LRCH3: variants seen among roughly 807,000 people sequenced by gnomAD.
The protein encoded by LRCH3 is leucine rich repeats and calponin homology domain containing 3.
A neutral mutation model predicts 104.5 loss-of-function variants in LRCH3; 68 were observed. The observed-to-expected ratio is 0.65, with a 90% CI of 0.54 to 0.80. The LOEUF is 0.80. Ranked by LOEUF, LRCH3 falls within the 30% of genes least tolerant of loss-of-function variation. The probability of loss-of-function intolerance (pLI) is 0.00; values close to 1 mark genes in which losing one functional copy is unlikely to be tolerated. For missense variants in LRCH3, 951 were observed against 953.9 expected (o/e 1.00, Z 0.04); for synonymous variants, 344 against 361.3 (o/e 0.95, Z 0.54).
At chr3:197,868,514 G>A (rs1022576254) in intron 17 of LRCH3, among the ~76,000 whole-genome samples, 1 of 152,164 alleles carries the variant, frequency 6.6e-6, no homozygotes, top group African/African-American at 2.4e-5. Flanking sequence ...TTACTTTTGA[G>A]AAATATGTAC....
intron 10 of LRCH3, among the ~76,000 whole-genome samples, chr3:197,845,417 A>G (rs998758171): frequency 1.3e-5 from 2 of 151,804 alleles, no homozygotes; most frequent in Admixed American, 1.3e-4. Flanking sequence ...AAAAAAAAAA[A>G]AAAAAGAAAG....
At position 197,854,628 on chromosome 3, in the gene LRCH3, C is replaced by T. The variant is rs1236843521; in HGVS notation, c.1644+183C>T. On this transcript the variant is annotated intron_variant, in intron 14 of 20. Coordinates refer to ENST00000425562, the MANE Select transcript of LRCH3 (RefSeq NM_001365715.1). The surrounding 1 kb of genome is among the most constrained non-coding windows in gnomAD (Gnocchi z 4.5). ...CCCAGTGTTTCAAAGTTCTGCAGCT[C>T]ATATCTTTGTCAGTGCCACCGAAAG... 6.6e-6 allele frequency among the ~76,000 whole-genome samples: 1 copy of T among 152,160 alleles called. No individual in the cohort carries two copies. The highest frequency in any genetic ancestry group is 1.5e-5 in the Non-Finnish European group (1 of 68,030).
chr3:197,821,446 C>A (rs569047380), intron 4 of LRCH3, among the ~76,000 whole-genome samples: 1 of 152,224 alleles, frequency 6.6e-6, no homozygotes, highest in South Asian at 2.1e-4. Flanking sequence ...TATATTTCTT[C>A]CTATATGTTT....
intron 14 of LRCH3, among the ~76,000 whole-genome samples, chr3:197,857,500 A>G (rs976396588): frequency 6.6e-6 from 1 of 151,258 alleles, no homozygotes; most frequent in Admixed American, 6.6e-5. Context: ...AGTATCAGTT[A>G]CACTGAGATT....
At position 197,883,036 on chromosome 3, in the gene LRCH3, C is replaced by T; in HGVS notation, c.2209-505C>T. 1 of 985,400 alleles carries T rather than the reference C, an allele frequency of 1.0e-6. No individual in the cohort carries two copies. The highest frequency in any genetic ancestry group is 1.2e-6 in the Non-Finnish European group (1 of 829,934). 61.0% of individuals were successfully genotyped at this position (985,400 alleles called of 1,614,324 possible). On this transcript the variant is annotated intron_variant, in intron 20 of 20. Coordinates refer to ENST00000425562, the MANE Select transcript of LRCH3 (RefSeq NM_001365715.1). This position sits in a 1 kb window ranked among gnomAD's most constrained non-coding sequence, Gnocchi z 4.2. ...GTCTGGAAACCCTGGTTTTCACAGTCAGGATTATAATGCAGATAGCGTAGA... is the reference window on the plus strand; with the variant it reads ...GTCTGGAAACCCTGGTTTTCACAGTTAGGATTATAATGCAGATAGCGTAGA...
chr3:197,826,756 A>T, intron 4 of LRCH3, 122 bp from the exon 5 acceptor site: 1 of 1,215,242 alleles, frequency 8.2e-7, no homozygotes, highest in Non-Finnish European at 1.2e-6. Flanking sequence ...GCTACCAGTT[A>T]ATCACTAAAA....
intron 5 of LRCH3, among the ~76,000 whole-genome samples, chr3:197,828,730 G>A (rs1371770482): frequency 1.1e-5 from 1 of 91,150 alleles, no homozygotes; most frequent in Non-Finnish European, 2.1e-5. Context: ...TTTTTGAGAT[G>A]AAGTTTTGCT....
intron 8 of LRCH3, among the ~76,000 whole-genome samples, chr3:197,833,251 G>A (rs1407604052): frequency 6.6e-6 from 1 of 151,230 alleles, no homozygotes; most frequent in East Asian, 2.0e-4. Context: ...TGGGCGTGGT[G>A]GCTCACGCCT....
Position 197,886,947 on chromosome 3 carries a change from A to C in LRCH3, c.*3281A>C, listed in dbSNP as rs190812160. The C allele has an allele frequency of 1.3e-5, 2 of 152,324 alleles. No homozygotes were observed. The highest frequency in any genetic ancestry group is 1.3e-4 in the Admixed American group (2 of 15,294). The allele number at this position is 152,324 out of a possible 1,614,324, so 9.4% of individuals were successfully genotyped here. ...TAAATGGAAATTTCAACTTATTTCA[A>C]ATTTTGCACATATTATGAAACCTTA... On this transcript the variant is annotated 3_prime_UTR_variant, in exon 21 of 21. Transcript: ENST00000425562.
At chr3:197,838,138 A>G (rs138451342) in intron 9 of LRCH3, among the ~76,000 whole-genome samples, 1 of 151,988 alleles carries the variant, frequency 6.6e-6, no homozygotes, top group Admixed American at 6.5e-5. Context: ...AAAGTGGTGT[A>G]GCTTGGCCTG....
chr3:197,881,372 CT>C, intron 20 of LRCH3: 2 of 987,534 alleles, frequency 2.0e-6, no homozygotes, highest in Non-Finnish European at 2.4e-6. Flanking sequence ...ATTCCCTAGA[CT>C]GCTCTTCTGA....
At chr3:197,828,187 A>G (rs371033602) in intron 5 of LRCH3, among the ~76,000 whole-genome samples, 63 of 152,190 alleles carry the variant, frequency 4.1e-4, no homozygotes, top group African/African-American at 1.4e-3. Flanking sequence ...TCCTAATTCT[A>G]AAGTCACAAA....
At chr3:197,817,708 T>G in intron 3 of LRCH3, among the ~76,000 whole-genome samples, 1 of 152,102 alleles carries the variant, frequency 6.6e-6, no homozygotes. Flanking sequence ...TTTGATTAGC[T>G]CCTGTAGGGG....
Position 197,888,017 on chromosome 3 carries a change from C to T in LRCH3, c.*4351C>T, listed in dbSNP as rs1394514270. The T allele has an allele frequency of 6.6e-6, 1 of 152,266 alleles. No individual in the cohort carries two copies. The highest frequency in any genetic ancestry group is 2.4e-5 in the African/African-American group (1 of 41,466). 9.4% of individuals were successfully genotyped at this position (152,266 alleles called of 1,614,324 possible). A position where few individuals can be genotyped will look rare whatever the true frequency, so the allele number is the denominator to read the frequency against. ...TAGAACACAGAGCATAGTAGTAGAT[C>T]ACTTTTCTGAAGAGCTTTTTAAAAT... On this transcript the variant is annotated 3_prime_UTR_variant, in exon 21 of 21. Transcript: ENST00000425562.
chr3:197,850,712 A>G (rs964276050), intron 12 of LRCH3: 1 of 1,411,476 alleles, frequency 7.1e-7, no homozygotes, highest in Non-Finnish European at 1.0e-6. Flanking sequence ...TGGGCCACCG[A>G]CCTTGTGTCC....
At chr3:197,879,960 T>A (rs1308527062) in intron 20 of LRCH3, among the ~76,000 whole-genome samples, 2 of 107,560 alleles carry the variant, frequency 1.9e-5, no homozygotes, top group Non-Finnish European at 3.7e-5. Flanking sequence ...TTTTTTTTTT[T>A]TTTGAGACGG....
chr3:197,867,069 G>A (rs540387861), intron 17 of LRCH3, among the ~76,000 whole-genome samples: 6 of 152,030 alleles, frequency 3.9e-5, no homozygotes, highest in Non-Finnish European at 8.8e-5. Context: ...CATTTGAGGA[G>A]TTCATGACCA....
At chr3:197,834,734 A>G (rs145038389) in intron 8 of LRCH3, among the ~76,000 whole-genome samples, 98 of 152,358 alleles carry the variant, frequency 6.4e-4, no homozygotes, top group Non-Finnish European at 9.6e-4. Flanking sequence ...GAGCTGTCCA[A>G]AGAAAAATGG....
chr3:197,800,739 A>G (rs1478307006), intron 1 of LRCH3, among the ~76,000 whole-genome samples: 1 of 152,232 alleles, frequency 6.6e-6, no homozygotes, highest in Non-Finnish European at 1.5e-5. Context: ...AGCATTATTC[A>G]TATTTGACAA....
Sources: gnomAD v4.1 joint callset for allele counts (sites outside exome capture counted in the v4.1 genomes callset) on GRCh38, gnomAD v4.1.1 for gene constraint, Gnocchi (gnomAD v3.1) non-coding constraint, MANE v1.5 for transcripts, NCBI Gene and HGNC (gene_info 2026-07-23, HGNC 2026-07-21) for gene names.